Variants in CCSER2 observed in about 807,000 individuals in gnomAD.
CCSER2 encodes coiled-coil serine rich protein 2, also known as serine-rich coiled-coil domain-containing protein 2.
In CCSER2, 46 loss-of-function variants were observed where a neutral mutation model predicts 92.3. The ratio of observed to expected loss-of-function variants is 0.50; its 90% CI spans 0.39 to 0.64. The LOEUF (loss-of-function observed/expected upper bound fraction) is 0.64. Among genes scored for constraint, CCSER2 ranks in the 30% least tolerant of loss-of-function variants. CCSER2 has a pLI of 0.00. For synonymous variants in CCSER2, 433 were observed against 431.4 expected (o/e 1.00, Z -0.04); for missense variants, 1,244 against 1,238.9 (o/e 1.00, Z -0.06).
At chr10:84,356,649 G>C (rs956076519) in intron 1 of CCSER2, among the ~76,000 whole-genome samples, 5 of 152,270 alleles carry the variant, frequency 3.3e-5, no homozygotes, top group African/African-American at 1.2e-4. Flanking sequence ...TATTAAGAAG[G>C]AAGCTATCAG....
At chr10:84,461,351 G>A (rs1298236700) in intron 6 of CCSER2, among the ~76,000 whole-genome samples, 3 of 151,980 alleles carry the variant, frequency 2.0e-5, no homozygotes, top group Non-Finnish European at 2.9e-5. Flanking sequence ...CACCAAATTC[G>A]GGGTGTGTTT....
At chr10:84,389,408 A>G in intron 3 of CCSER2, 1 of 498,436 alleles carries the variant, frequency 2.0e-6, no homozygotes, top group Non-Finnish European at 4.0e-6. Flanking sequence ...CAGTTCCTTG[A>G]GGGCTTTGAT....
chr10:84,461,991 G>C (rs1846128256), intron 6 of CCSER2, among the ~76,000 whole-genome samples: 1 of 152,174 alleles, frequency 6.6e-6, no homozygotes, highest in Admixed American at 6.5e-5. Context: ...TGTCTTGATT[G>C]TGGTTTTAAT....
chr10:84,412,548 C>T (rs577162600), intron 3 of CCSER2, among the ~76,000 whole-genome samples: 8 of 151,944 alleles, frequency 5.3e-5, no homozygotes, highest in East Asian at 3.9e-4. Flanking sequence ...GTGATCAGAC[C>T]CAACAGCAGG....
At chr10:84,384,900 C>G (rs1208042793) in intron 3 of CCSER2, among the ~76,000 whole-genome samples, 2 of 152,066 alleles carry the variant, frequency 1.3e-5, no homozygotes, top group Non-Finnish European at 1.5e-5. Context: ...TTGATAACTT[C>G]AGTAAAGTTT....
intron 5 of CCSER2, among the ~76,000 whole-genome samples, chr10:84,429,620 C>T (rs1014924971): frequency 6.7e-6 from 1 of 149,888 alleles, no homozygotes; most frequent in African/African-American, 2.5e-5. Flanking sequence ...CACCACCCCC[C>T]CCAGCTTTTT....
intron 9 of CCSER2, among the ~76,000 whole-genome samples, chr10:84,510,769 T>G (rs944893308): frequency 1.3e-5 from 2 of 152,174 alleles, no homozygotes; most frequent in Non-Finnish European, 2.9e-5. Flanking sequence ...AGAGGTAGCT[T>G]GTTGTTCAAC....
intron 9 of CCSER2, among the ~76,000 whole-genome samples, chr10:84,500,385 A>G (rs1460453530): frequency 6.6e-6 from 1 of 152,168 alleles, no homozygotes; most frequent in Non-Finnish European, 1.5e-5. Context: ...ACCATTGCAC[A>G]TTTCTTTAAA....
intron 1 of CCSER2, among the ~76,000 whole-genome samples, chr10:84,370,009 G>A (rs1017701275): frequency 6.6e-6 from 1 of 151,962 alleles, no homozygotes; most frequent in East Asian, 1.9e-4. Flanking sequence ...CTCTATGTAT[G>A]TACTTTTATA....
intron 9 of CCSER2, among the ~76,000 whole-genome samples, chr10:84,480,233 CA>C (rs1341992848): frequency 6.6e-6 from 1 of 151,902 alleles, no homozygotes; most frequent in African/African-American, 2.4e-5. Context: ...TTTGTAGAGA[CA>C]GGGGTCTCAC....
chr10:84,378,162 T>A (rs1846439992), intron 3 of CCSER2, among the ~76,000 whole-genome samples: 1 of 152,168 alleles, frequency 6.6e-6, no homozygotes, highest in South Asian at 2.1e-4. Flanking sequence ...AGAGGGAGTT[T>A]AATCAGAGTA....
At chr10:84,364,860 G>A (rs1845699250) in intron 1 of CCSER2, among the ~76,000 whole-genome samples, 2 of 150,840 alleles carry the variant, frequency 1.3e-5, no homozygotes, top group African/African-American at 2.4e-5. Flanking sequence ...TTGTGCCTCA[G>A]CCTCCCGAGT....
At chr10:84,447,078 C>T (rs889884116) in intron 6 of CCSER2, among the ~76,000 whole-genome samples, 3 of 151,524 alleles carry the variant, frequency 2.0e-5, no homozygotes, top group African/African-American at 2.4e-5. Flanking sequence ...AACATTTTCC[C>T]GGTACAACCG....
At chr10:84,329,631 A>G (rs1843449988) in intron 1 of CCSER2, among the ~76,000 whole-genome samples, 1 of 150,242 alleles carries the variant, frequency 6.7e-6, no homozygotes, top group South Asian at 2.1e-4. Context: ...GACGGAACCT[A>G]TTCATTTGGC....
At chr10:84,451,991 GTGTGA>G (rs1273207580) in intron 6 of CCSER2, among the ~76,000 whole-genome samples, 1 of 152,164 alleles carries the variant, frequency 6.6e-6, no homozygotes, top group African/African-American at 2.4e-5. Context: ...ATTCTGGACT[GTGTGA>G]TGTGATGTGA....
intron 6 of CCSER2, among the ~76,000 whole-genome samples, chr10:84,449,779 AGAGGTTGCG>A (rs1455308149): frequency 1.3e-5 from 2 of 152,086 alleles, no homozygotes; most frequent in East Asian, 3.9e-4. Context: ...CCCAGGAGGC[AGAGGTTGCG>A]GTGAGCTGAG....
In CCSER2 at chr10:84,371,764, A is replaced by G. The variant is rs754027105; in HGVS notation, c.712A>G (p.Ile238Val). 5.6e-6 allele frequency: 9 copies of G among 1,613,556 alleles called. No homozygotes were observed. The East Asian group carries it at 8.9e-5, about 16-fold the overall frequency. Reference sequence around the variant, plus strand: ...GAATTCATTCCTTCCACCTTCATCTATAACCAGATCACATTCCTTTAATAG... The same window carrying G: ...GAATTCATTCCTTCCACCTTCATCTGTAACCAGATCACATTCCTTTAATAG... ...IQNSFLPPSS[I>V]TRSHSFNRAV... Residue 238 changes from isoleucine to valine, a missense_variant, in exon 2 of 10, where the codon ATA (isoleucine) becomes GTA (valine). Physicochemically the swap from Ile to Val is conservative, Grantham distance 29. Transcript: ENST00000372088.
At chr10:84,511,355 A>T (rs985349049) in intron 9 of CCSER2, among the ~76,000 whole-genome samples, 5 of 152,228 alleles carry the variant, frequency 3.3e-5, no homozygotes, top group African/African-American at 1.2e-4. Flanking sequence ...AAAACAGTAC[A>T]AATTTATAGT....
At chr10:84,446,951 C>G (rs927185859) in intron 6 of CCSER2, among the ~76,000 whole-genome samples, 1 of 151,146 alleles carries the variant, frequency 6.6e-6, no homozygotes, top group Non-Finnish European at 1.5e-5. Context: ...TTTCATTTCT[C>G]TATTGGTGCT....
Sources: gnomAD v4.1 joint callset for allele counts (sites outside exome capture counted in the v4.1 genomes callset) on GRCh38, gnomAD v4.1.1 for gene constraint, MANE v1.5 for transcripts, NCBI Gene and HGNC (gene_info 2026-07-23, HGNC 2026-07-21) for gene names.